The following RTL4 variants were observed in gnomAD, a reference collection of about 807,000 sequenced individuals.
RTL4 encodes the protein retrotransposon Gag like 4, also known as retrotransposon Gag-like protein 4.
In RTL4, 4 loss-of-function variants were observed where a neutral mutation model predicts 5.3. The ratio of observed to expected loss-of-function variants is 0.75; its 90% CI spans 0.37 to 1.72. RTL4 has a LOEUF of 1.72. Ranked by LOEUF, RTL4 falls within the 40% of genes most tolerant of loss-of-function variation. RTL4 has a pLI of 0.04. For synonymous variants in RTL4, 98 were observed against 87.3 expected (o/e 1.12, Z -0.68); for missense variants, 260 against 227.1 (o/e 1.14, Z -0.93).
the RTL4 span, among the ~76,000 whole-genome samples, chrX:112,133,531 A>G: frequency 9.0e-6 from 1 of 111,619 alleles, no homozygotes; most frequent in Non-Finnish European, 1.9e-5. Flanking sequence ...TGACACACCC[A>G]TGAAGCACAT....
chrX:112,288,637 G>C, the RTL4 span, among the ~76,000 whole-genome samples: 1 of 112,007 alleles, frequency 8.9e-6, no homozygotes, highest in African/African-American at 3.2e-5. Context: ...ACATTGGCTT[G>C]AGTTGGCAGA....
chrX:112,270,900 C>T, the RTL4 span, among the ~76,000 whole-genome samples: 1 of 109,987 alleles, frequency 9.1e-6, no homozygotes, highest in Non-Finnish European at 1.9e-5. Flanking sequence ...TTTTCAAGGC[C>T]ATTCAGTAAC....
the RTL4 span, among the ~76,000 whole-genome samples, chrX:112,363,364 A>G: frequency 9.0e-6 from 1 of 111,317 alleles, no homozygotes; most frequent in Non-Finnish European, 1.9e-5. Context: ...TAAGGCCCAG[A>G]GGACAACTGC....
upstream of RTL4, among the ~76,000 whole-genome samples, chrX:112,454,320 G>T (rs762561688): frequency 3.6e-5 from 4 of 112,195 alleles, no homozygotes; most frequent in East Asian, 1.1e-3. Context: ...GCTGCATGTG[G>T]CCCACCAGCC....
chrX:112,090,413 T>C, the RTL4 span, among the ~76,000 whole-genome samples: 1 of 111,003 alleles, frequency 9.0e-6, no homozygotes, highest in Admixed American at 9.6e-5. Context: ...GTTGAAGGAG[T>C]TGCTTTCGGT....
the RTL4 span, among the ~76,000 whole-genome samples, chrX:112,234,510 G>C: frequency 9.0e-6 from 1 of 111,533 alleles, no homozygotes; most frequent in Non-Finnish European, 1.9e-5. Flanking sequence ...TGGGGACTAG[G>C]AGCCCCTGGC....
chrX:112,183,888 G>A, the RTL4 span, among the ~76,000 whole-genome samples: 8 of 111,728 alleles, frequency 7.2e-5, no homozygotes, highest in Non-Finnish European at 1.5e-4. Flanking sequence ...GGACATTTGG[G>A]TTGGTTCCAA....
the RTL4 span, among the ~76,000 whole-genome samples, chrX:112,194,308 G>A: frequency 9.0e-6 from 1 of 111,211 alleles, no homozygotes; most frequent in African/African-American, 3.3e-5. Flanking sequence ...TTAGAAATGG[G>A]GCCTTTGAGT....
rs535432907 is a variant in RTL4 at position 112,454,579 on chromosome X, A to T, written c.-150A>T. On this transcript the variant is annotated 5_prime_UTR_variant, in exon 1 of 1. It removes the in-frame stop codon of an upstream open reading frame in the 5' UTR. Coordinates refer to ENST00000340433, the Ensembl canonical transcript of RTL4. ...TTGGCATCTCTCCAATTCAGCTGTTAGCATCTCCTAGTGTCTTCTTCACAG... is the reference window on the plus strand; with the variant it reads ...TTGGCATCTCTCCAATTCAGCTGTTTGCATCTCCTAGTGTCTTCTTCACAG... 53 of 494,267 alleles carry T rather than the reference A, an allele frequency of 1.1e-4. No homozygotes were observed. Among genetic ancestry groups the T allele is most frequent in the African/African-American group, 1.1e-3 (44 of 41,866 alleles). 40.7% of individuals were successfully genotyped at this position (494,267 alleles called of 1,213,427 possible). A position where few individuals can be genotyped will look rare whatever the true frequency, so the allele number is the denominator to read the frequency against.
chrX:112,376,162 G>A, the RTL4 span, among the ~76,000 whole-genome samples: 2 of 111,538 alleles, frequency 1.8e-5, no homozygotes, highest in African/African-American at 6.5e-5. Context: ...CCCTCAAAAC[G>A]AAGATTATCC....
the RTL4 span, among the ~76,000 whole-genome samples, chrX:112,228,481 C>A: frequency 8.9e-6 from 1 of 112,404 alleles, no homozygotes; most frequent in South Asian, 3.6e-4. Context: ...GAAATGATTA[C>A]CACAGTCAAA....
the RTL4 span, among the ~76,000 whole-genome samples, chrX:112,143,933 G>A: frequency 2.7e-5 from 3 of 112,213 alleles, no homozygotes; most frequent in South Asian, 1.1e-3. Context: ...TATCTGCAAC[G>A]TAAAACATGT....
At chrX:112,343,204 AACC>A in the RTL4 span, among the ~76,000 whole-genome samples, 1 of 112,420 alleles carries the variant, frequency 8.9e-6, no homozygotes, top group East Asian at 2.8e-4. Flanking sequence ...CATTCATTGT[AACC>A]ACCGCTAAAA....
the RTL4 span, among the ~76,000 whole-genome samples, chrX:112,337,682 T>C: frequency 2.7e-5 from 3 of 112,088 alleles, no homozygotes; most frequent in Non-Finnish European, 5.6e-5. Context: ...TCCCTTCTAA[T>C]AGTTTTAATT....
At chrX:112,427,160 T>G in the RTL4 span, among the ~76,000 whole-genome samples, 1 of 111,342 alleles carries the variant, frequency 9.0e-6, no homozygotes, top group Non-Finnish European at 1.9e-5. Context: ...GGCCCAATAT[T>G]TCTTATAAGC....
At chrX:112,440,111 G>A in the RTL4 span, among the ~76,000 whole-genome samples, 6 of 111,826 alleles carry the variant, frequency 5.4e-5, no homozygotes, top group African/African-American at 2.0e-4. Context: ...AAATACATTT[G>A]AGGATGCCTA....
the RTL4 span, among the ~76,000 whole-genome samples, chrX:112,263,960 G>T: frequency 1.8e-5 from 2 of 111,518 alleles, no homozygotes; most frequent in African/African-American, 6.5e-5. Flanking sequence ...TCACTCTTTT[G>T]GTCTAGAGAA....
chrX:112,372,743 T>C, the RTL4 span, among the ~76,000 whole-genome samples: 1 of 111,989 alleles, frequency 8.9e-6, no homozygotes, highest in African/African-American at 3.2e-5. Flanking sequence ...AAAGAGAGTT[T>C]GTGAGTGAGG....
chrX:112,232,948 G>T, the RTL4 span, among the ~76,000 whole-genome samples: 1 of 111,167 alleles, frequency 9.0e-6, no homozygotes, highest in African/African-American at 3.3e-5. Context: ...GATGGTGATG[G>T]TATTACAGCT....
Sources: allele counts gnomAD v4.1 joint callset (sites outside exome capture counted in the v4.1 genomes callset), GRCh38; gene constraint gnomAD v4.1.1; transcripts MANE v1.5; gene names NCBI Gene and HGNC (gene_info 2026-07-23, HGNC 2026-07-21).